The following ATP13A4 variants were observed in gnomAD, a reference collection of about 807,000 sequenced individuals.
The protein encoded by ATP13A4 is probable cation-transporting ATPase 13A4.
In ATP13A4, 114 loss-of-function variants were observed where a neutral mutation model predicts 142.5. The ratio of observed to expected loss-of-function variants is 0.80; its 90% confidence interval spans 0.69 to 0.93. ATP13A4 has a LOEUF of 0.93. Ranked by LOEUF, ATP13A4 falls within the 40% of genes least tolerant of loss-of-function variation. The pLI is 0.00. For synonymous variants in ATP13A4, 488 were observed against 514.8 expected, an observed-to-expected ratio of 0.95 and a Z score of 0.70; for missense variants, 1,392 against 1,454.0, an observed-to-expected ratio of 0.96 and a Z score of 0.69.
intron 2 of ATP13A4, among the ~76,000 whole-genome samples, chr3:193,513,951 A>G (rs547738254): frequency 3.3e-5 from 5 of 152,294 alleles, no homozygotes; most frequent in African/African-American, 9.6e-5. Flanking sequence ...TGACTTGACT[A>G]CTTCACATTT....
At chr3:193,415,396 A>G (rs914304259) in intron 25 of ATP13A4, among the ~76,000 whole-genome samples, 6 of 152,232 alleles carry the variant, frequency 3.9e-5, no homozygotes, top group African/African-American at 1.2e-4. Flanking sequence ...TCTGAAAAAC[A>G]GAAAAGTATA....
chr3:193,504,118 A>G (rs1720722975), intron 2 of ATP13A4, among the ~76,000 whole-genome samples: 1 of 152,116 alleles, frequency 6.6e-6, no homozygotes, highest in Non-Finnish European at 1.5e-5. Context: ...TTAATTAATT[A>G]ATCAATTTTA....
chr3:193,476,105 T>C (rs1479311805), intron 8 of ATP13A4, among the ~76,000 whole-genome samples: 1 of 152,122 alleles, frequency 6.6e-6, no homozygotes, highest in Admixed American at 6.5e-5. Flanking sequence ...TTGGAAGTTA[T>C]GAGGTCAGTA....
At chr3:193,492,247 G>A (rs923948737) in intron 5 of ATP13A4, among the ~76,000 whole-genome samples, 2 of 152,106 alleles carry the variant, frequency 1.3e-5, no homozygotes, top group African/African-American at 4.8e-5. Flanking sequence ...AATGGGGAAG[G>A]GGGAAGCATG....
In ATP13A4 at chr3:193,439,025, C is replaced by G. The variant is rs1446198420; in HGVS notation, c.2560G>C (p.Gly854Arg). 3.7e-6 allele frequency: 6 copies of G among 1,609,600 alleles called. No individual in the cohort carries two copies. The highest frequency in any genetic ancestry group is 5.1e-6 in the Non-Finnish European group (6 of 1,175,908). Residue 854 changes from glycine (G) to arginine (R), a missense_variant and splice_region_variant, in exon 22 of 30, where the codon GGG becomes CGG. Gly to Arg is a moderately radical substitution (Grantham distance 125). Coordinates refer to ENST00000342695, the MANE Select transcript of ATP13A4 (RefSeq NM_032279.4). ...GMCGDGANDCGALKMAHVGIS... is the reference protein window; with the variant it reads ...GMCGDGANDCRALKMAHVGIS... ...CACACAAACTGGTAGCTACTTACCC[C>G]ACAGTCATTGGCTCCATCACCACAC...
intron 7 of ATP13A4, among the ~76,000 whole-genome samples, chr3:193,487,092 T>A (rs1216180944): frequency 1.3e-5 from 2 of 152,090 alleles, no homozygotes; most frequent in African/African-American, 4.8e-5. Flanking sequence ...TAGAGAAGGA[T>A]GAGCTATCAA....
chr3:193,580,740 C>T (rs1010433132), intron 2 of ATP13A4, among the ~76,000 whole-genome samples: 3 of 151,812 alleles, frequency 2.0e-5, no homozygotes, highest in Non-Finnish European at 2.9e-5. Flanking sequence ...AACCGGTGAG[C>T]GGGGAGGAAA....
At chr3:193,589,386 T>TAC (rs531473243) in intron 1 of ATP13A4, among the ~76,000 whole-genome samples, 139 of 152,060 alleles carry the variant, frequency 9.1e-4, no homozygotes, top group African/African-American at 3.1e-3. Flanking sequence ...CCACAAAGAG[T>TAC]AGTGTTAAGG....
At chr3:193,530,988 T>G (rs1296648641) in intron 1 of ATP13A4, among the ~76,000 whole-genome samples, 1 of 152,122 alleles carries the variant, frequency 6.6e-6, no homozygotes, top group Non-Finnish European at 1.5e-5. Flanking sequence ...ATGTGCTTTG[T>G]CCCTTTACAT....
At chr3:193,587,781 A>G (rs189556060) in intron 1 of ATP13A4, among the ~76,000 whole-genome samples, 139 of 152,256 alleles carry the variant, frequency 9.1e-4, no homozygotes, top group African/African-American at 3.1e-3. Flanking sequence ...ATTTAGTCTT[A>G]AAAATATAAA....
At chr3:193,458,501 A>C (rs1351030856) in intron 14 of ATP13A4, 1 of 161,316 alleles carries the variant, frequency 6.2e-6, no homozygotes, top group African/African-American at 2.4e-5. Context: ...GTTAGAGCAG[A>C]GACAAAACTA....
chr3:193,518,021 C>A (rs1053714200), intron 1 of ATP13A4, among the ~76,000 whole-genome samples: 10 of 152,182 alleles, frequency 6.6e-5, no homozygotes, highest in Non-Finnish European at 1.3e-4. Context: ...AGTCTCATTT[C>A]TTTTTTACCT....
rs749005627 is a variant in ATP13A4, at chr3:193,448,319, T to G, written c.2039A>C (p.Glu680Ala). Residue 680 changes from glutamate to alanine, a missense_variant, in exon 18 of 30, where the codon GAA (glutamate) becomes GCA (alanine). Glu to Ala is a moderately radical substitution (Grantham distance 107, BLOSUM62 -1). Transcript: ENST00000342695. ...CAGCCCCAGAAATATCAGGTCTGAT[T>G]CTACCGTCTCCCTGAAAATACATAT... ...HATTLTRETV[E>A]SDLIFLGLLI... 6.2e-7 allele frequency: 1 copy of G among 1,614,072 alleles called. No homozygotes were observed. The highest frequency in any genetic ancestry group is 8.5e-7 in the Non-Finnish European group (1 of 1,180,012).
intron 18 of ATP13A4, among the ~76,000 whole-genome samples, chr3:193,443,776 CA>C (rs1716792364): frequency 6.6e-6 from 1 of 151,754 alleles, no homozygotes; most frequent in African/African-American, 2.4e-5. Flanking sequence ...AAGTTCTCAA[CA>C]AGAAAATATA....
intron 18 of ATP13A4, among the ~76,000 whole-genome samples, chr3:193,446,483 G>C (rs1716961112): frequency 6.6e-6 from 1 of 152,148 alleles, no homozygotes; most frequent in African/African-American, 2.4e-5. Context: ...CTTTTTAAGT[G>C]AATGAATCAT....
At chr3:193,590,855 T>C (rs1724752095) in intron 1 of ATP13A4, among the ~76,000 whole-genome samples, 1 of 152,222 alleles carries the variant, frequency 6.6e-6, no homozygotes, top group African/African-American at 2.4e-5. Flanking sequence ...CAGTAATTGA[T>C]GTGTTCAATT....
chr3:193,541,972 C>G (rs1722954590), intron 1 of ATP13A4, among the ~76,000 whole-genome samples: 1 of 152,050 alleles, frequency 6.6e-6, no homozygotes, highest in South Asian at 2.1e-4. Flanking sequence ...GAAGTTGTGT[C>G]CATGGCAATC....
intron 25 of ATP13A4, 81 bp downstream of exon 25, chr3:193,433,764 C>T (rs1716103928): frequency 1.0e-6 from 1 of 994,762 alleles, no homozygotes. Context: ...TGCTGTTCCT[C>T]ATGGTAGACA....
chr3:193,496,824 A>G (rs1249645736), intron 3 of ATP13A4, among the ~76,000 whole-genome samples: 3 of 151,162 alleles, frequency 2.0e-5, no homozygotes, highest in Non-Finnish European at 4.4e-5. Flanking sequence ...ATAAATAAAT[A>G]AATAAATAAA....
Sources: gnomAD v4.1 joint callset for allele counts (sites outside exome capture counted in the v4.1 genomes callset) on GRCh38, gnomAD v4.1.1 for gene constraint, MANE v1.5 for transcripts, NCBI Gene and HGNC (gene_info 2026-07-23, HGNC 2026-07-21) for gene names.